The following DIAPH2 variants were observed in gnomAD, a reference collection of about 807,000 sequenced individuals.
DIAPH2 encodes protein diaphanous homolog 2.
Under a neutral mutation model 92.7 loss-of-function variants are expected in DIAPH2, and 35 were observed. The observed-to-expected ratio is 0.38, with a 90% CI of 0.29 to 0.50. The LOEUF is 0.50. Ranked by LOEUF, DIAPH2 falls within the 20% of genes least tolerant of loss-of-function variation. DIAPH2 has a pLI of 0.94. For synonymous variants in DIAPH2, 301 were observed against 280.4 expected (o/e 1.07, Z -0.73); for missense variants, 701 against 819.5 (o/e 0.86, Z 1.77).
intron 26 of DIAPH2, among the ~76,000 whole-genome samples, chrX:97,441,556 G>A (rs1215716775): frequency 8.9e-6 from 1 of 111,966 alleles, no homozygotes. Flanking sequence ...AGTGGCTCAC[G>A]CCTGTAATCC....
intron 9 of DIAPH2, 36 bp downstream of exon 9, chrX:96,918,653 A>G: frequency 1.0e-6 from 1 of 964,107 alleles, no homozygotes; most frequent in Non-Finnish European, 1.5e-6. Flanking sequence ...TTCTAGAGTT[A>G]TATTTAGAGT....
intron 4 of DIAPH2, among the ~76,000 whole-genome samples, chrX:96,832,959 T>A (rs986622257): frequency 8.9e-6 from 1 of 112,185 alleles, no homozygotes; most frequent in Non-Finnish European, 1.9e-5. Context: ...GAAGAAGTAT[T>A]GATTTTAGAT....
At chrX:96,977,114 C>T (rs947610424) in intron 17 of DIAPH2, among the ~76,000 whole-genome samples, 1 of 111,605 alleles carries the variant, frequency 9.0e-6, no homozygotes, top group African/African-American at 3.2e-5. Flanking sequence ...TTTTGTTGCA[C>T]TGTTAACTGA....
chrX:97,281,510 C>T (rs753221149), intron 23 of DIAPH2, among the ~76,000 whole-genome samples: 6 of 110,798 alleles, frequency 5.4e-5, no homozygotes, highest in African/African-American at 9.8e-5. Context: ...TTTGGGAGGC[C>T]GAGGTGGGTG....
chrX:97,410,592 G>T, intron 25 of DIAPH2, among the ~76,000 whole-genome samples: 1 of 111,901 alleles, frequency 8.9e-6, no homozygotes, highest in Non-Finnish European at 1.9e-5. Context: ...GGGTTCAGAA[G>T]GTCAGTAATA....
At chrX:96,758,335 C>T (rs2064245404) in intron 4 of DIAPH2, 77 bp downstream of exon 4, 2 of 853,978 alleles carry the variant, frequency 2.3e-6, no homozygotes, top group Non-Finnish European at 3.3e-6. Flanking sequence ...ATAAACAAAC[C>T]TCAGCTCTTC....
chrX:97,168,357 G>A (rs1029751134), intron 22 of DIAPH2, among the ~76,000 whole-genome samples: 2 of 110,976 alleles, frequency 1.8e-5, no homozygotes, highest in Non-Finnish European at 3.8e-5. Flanking sequence ...CAAAGCGCTG[G>A]ATTACAGGTG....
chrX:96,709,438 A>G (rs1363548521), intron 1 of DIAPH2, among the ~76,000 whole-genome samples: 4 of 112,083 alleles, frequency 3.6e-5, no homozygotes, highest in African/African-American at 1.3e-4. Context: ...AAAGCCTAGG[A>G]AAAAAATAAC....
chrX:96,837,467 A>G (rs1383318542), intron 4 of DIAPH2, among the ~76,000 whole-genome samples: 1 of 72,857 alleles, frequency 1.4e-5, no homozygotes, highest in Non-Finnish European at 2.6e-5. Flanking sequence ...GTGTGTGTGT[A>G]GTACTAGTAG....
intron 25 of DIAPH2, among the ~76,000 whole-genome samples, chrX:97,410,637 C>T (rs959012275): frequency 2.7e-5 from 3 of 111,666 alleles, no homozygotes; most frequent in Non-Finnish European, 3.8e-5. Context: ...GATGTTCAAA[C>T]CCATTGCAAG....
At chrX:96,829,188 A>G (rs1207005532) in intron 4 of DIAPH2, among the ~76,000 whole-genome samples, 1 of 111,261 alleles carries the variant, frequency 9.0e-6, no homozygotes, top group African/African-American at 3.3e-5. Context: ...GCCAAATGGC[A>G]CTGTTCTGTT....
chrX:97,504,359 A>G (rs1380276497), intron 26 of DIAPH2, among the ~76,000 whole-genome samples: 1 of 112,488 alleles, frequency 8.9e-6, no homozygotes, highest in East Asian at 2.8e-4. Context: ...AATGTGAAAT[A>G]TATAGCCTGT....
intron 4 of DIAPH2, among the ~76,000 whole-genome samples, chrX:96,812,129 G>A (rs1334845796): frequency 2.7e-5 from 3 of 111,436 alleles, no homozygotes; most frequent in African/African-American, 9.8e-5. Context: ...GGTAGAATTC[G>A]GCTGTGAATC....
At chrX:97,350,037 C>T (rs748533374) in intron 24 of DIAPH2, among the ~76,000 whole-genome samples, 7 of 111,015 alleles carry the variant, frequency 6.3e-5, no homozygotes, top group South Asian at 3.9e-4. Flanking sequence ...TGGCTAGGCG[C>T]GGTGGCTCAC....
intron 26 of DIAPH2, among the ~76,000 whole-genome samples, chrX:97,568,182 A>C (rs939279122): frequency 3.7e-5 from 4 of 109,291 alleles, no homozygotes; most frequent in Admixed American, 9.9e-5. Flanking sequence ...AAAATTATAC[A>C]AACAATTTGA....
intron 23 of DIAPH2, among the ~76,000 whole-genome samples, chrX:97,342,874 G>A (rs749718742): frequency 4.4e-4 from 49 of 111,898 alleles, no homozygotes; most frequent in South Asian, 1.1e-3. Flanking sequence ...TTTGAGCTGC[G>A]ACTGAATGGC....
intron 17 of DIAPH2, among the ~76,000 whole-genome samples, chrX:97,058,093 A>T (rs1400361244): frequency 9.0e-6 from 1 of 111,459 alleles, no homozygotes; most frequent in Admixed American, 9.6e-5. Context: ...GTCTCATTCC[A>T]TTATATGTAT....
chrX:97,590,271 G>A (rs1340678765), intron 26 of DIAPH2, among the ~76,000 whole-genome samples: 1 of 111,770 alleles, frequency 8.9e-6, no homozygotes, highest in Non-Finnish European at 1.9e-5. Flanking sequence ...GGGTACCTGG[G>A]CTTACTTAAG....
At chrX:96,973,688 C>CTTTTTTTT (rs1169211955) in intron 17 of DIAPH2, among the ~76,000 whole-genome samples, 15 of 46,688 alleles carry the variant, frequency 3.2e-4, no homozygotes, top group Admixed American at 9.2e-4. Flanking sequence ...TGAATATTTG[C>CTTTTTTTT]TTTTTTTTTT....
Sources: allele counts gnomAD v4.1 joint callset (sites outside exome capture counted in the v4.1 genomes callset), GRCh38; gene constraint gnomAD v4.1.1; transcripts MANE v1.5; gene names NCBI Gene and HGNC (gene_info 2026-07-23, HGNC 2026-07-21).